The following GALR2 variants were observed in gnomAD, a reference collection of about 807,000 sequenced individuals.
GALR2 encodes galanin receptor type 2.
GALR2 carries 5 observed loss-of-function variants against 7.2 expected under a neutral mutation model. That is an observed-to-expected ratio of 0.69 (90% confidence interval 0.36 to 1.45). The LOEUF (loss-of-function observed/expected upper bound fraction) is 1.45, where lower values mean the gene tolerates loss of function less well. Among genes scored for constraint, GALR2 ranks in the 40% most tolerant of loss-of-function variants. The probability of loss-of-function intolerance (pLI) is 0.03; values close to 1 mark genes in which losing one functional copy is unlikely to be tolerated. For missense variants in GALR2, 561 were observed against 555.7 expected (o/e 1.01, Z -0.10); for synonymous variants, 300 against 263.9 (o/e 1.14, Z -1.32).
chr17:76,074,262 G>A (rs1333545501), upstream of GALR2, among the ~76,000 whole-genome samples: 1 of 152,240 alleles, frequency 6.6e-6, no homozygotes, highest in Non-Finnish European at 1.5e-5. This position sits in a 1 kb window ranked among gnomAD's most constrained non-coding sequence, Gnocchi z 6.7. Context: ...GTTGCAGTGA[G>A]CCGAGATCGC....
upstream of GALR2, among the ~76,000 whole-genome samples, chr17:76,074,415 C>A (rs112292731): frequency 6.6e-6 from 1 of 152,220 alleles, no homozygotes; most frequent in Non-Finnish European, 1.5e-5. The surrounding 1 kb of genome is among the most constrained non-coding windows in gnomAD (Gnocchi z 6.7). Context: ...TATCCTGCAC[C>A]CCTGCCAGGC....
chr17:76,072,653 G>A (rs2066866444), upstream of GALR2: 1 of 1,358,670 alleles, frequency 7.4e-7, no homozygotes, highest in Non-Finnish European at 9.6e-7. The surrounding 1 kb of genome is among the most constrained non-coding windows in gnomAD (Gnocchi z 4.5). Context: ...GCCTGCGCGA[G>A]GGATCCTGTC....
At chr17:76,072,276 A>G (rs2066859091), upstream of GALR2, 1 of 1,604,630 alleles carries the variant, frequency 6.2e-7, no homozygotes, top group East Asian at 2.3e-5. The surrounding 1 kb of genome is among the most constrained non-coding windows in gnomAD (Gnocchi z 4.5). Flanking sequence ...ACACGTAATC[A>G]TTGCGAGTTA....
chr17:76,073,457 C>T (rs1255331817), upstream of GALR2, among the ~76,000 whole-genome samples: 1 of 90,554 alleles, frequency 1.1e-5, no homozygotes, highest in Non-Finnish European at 2.3e-5. Context: ...CACCACGTCC[C>T]GCTAATTTTT....
upstream of GALR2, among the ~76,000 whole-genome samples, chr17:76,072,985 G>C (rs1180980656): frequency 2.0e-5 from 3 of 152,242 alleles, no homozygotes; most frequent in Non-Finnish European, 2.9e-5. This position sits in a 1 kb window ranked among gnomAD's most constrained non-coding sequence, Gnocchi z 4.5. Flanking sequence ...CCGTAAGAAC[G>C]CCAAGCCGGA....
In GALR2 at chr17:76,076,847, T is replaced by A. The variant is rs762670725; in HGVS notation, c.580T>A (p.Phe194Ile). Residue 194 changes from phenylalanine (F) to isoleucine (I), a missense_variant, in exon 2 of 2, where the codon TTC becomes ATC. Physicochemically the swap from Phe to Ile is conservative, Grantham distance 21. Coordinates refer to ENST00000329003, the MANE Select transcript of GALR2 (RefSeq NM_003857.4). This position sits in a 1 kb window ranked among gnomAD's most constrained non-coding sequence, Gnocchi z 6.5. ...CGCCATGGACATCTGCACCTTCGTC[T>A]TCAGCTACCTGCTTCCTGTGCTGGT... ...RRAMDICTFV[F>I]SYLLPVLVLG... is the part of the protein sequence containing the mutation. The A allele has an allele frequency of 6.2e-7, 1 of 1,604,858 alleles. No individual in the cohort carries two copies.
rs142971884 is a variant in GALR2 at position 76,076,889 on chromosome 17, G to A, written c.622G>A (p.Ala208Thr). The change falls in exon 2 of 2, where the codon GCG becomes ACG. Residue 208 changes from alanine (A) to threonine (T), a missense_variant. Physicochemically the swap from Ala to Thr is moderately conservative, Grantham distance 58. Transcript: ENST00000329003. This position sits in a 1 kb window ranked among gnomAD's most constrained non-coding sequence, Gnocchi z 6.5. Reference sequence around the variant, plus strand: ...TGTGCTGGTTCTCGGCCTGACCTACGCGCGCACCTTGCGCTACCTCTGGCG... The same window carrying A: ...TGTGCTGGTTCTCGGCCTGACCTACACGCGCACCTTGCGCTACCTCTGGCG... ...LPVLVLGLTY[A>T]RTLRYLWRAV... 4.6e-5 allele frequency: 73 copies of A among 1,603,210 alleles called. No homozygotes were observed. In the African/African-American group the frequency reaches 9.1e-4, roughly 20 times the overall value.
chr17:76,072,985 G>A (rs1180980656), upstream of GALR2, among the ~76,000 whole-genome samples: 1 of 152,242 alleles, frequency 6.6e-6, no homozygotes, highest in South Asian at 2.1e-4. This position sits in a 1 kb window ranked among gnomAD's most constrained non-coding sequence, Gnocchi z 4.5. Flanking sequence ...CCGTAAGAAC[G>A]CCAAGCCGGA....
upstream of GALR2, among the ~76,000 whole-genome samples, chr17:76,073,879 C>T (rs540706581): frequency 2.4e-3 from 364 of 151,942 alleles, 1 homozygote; most frequent in African/African-American, 8.3e-3. Flanking sequence ...GGCTCGGTGG[C>T]TTACGCCTGT....
upstream of GALR2, among the ~76,000 whole-genome samples, chr17:76,073,873 C>T (rs2066873952): frequency 6.6e-6 from 1 of 151,718 alleles, no homozygotes; most frequent in African/African-American, 2.4e-5. Flanking sequence ...TGGCCGGGCT[C>T]GGTGGCTTAC....
Position 76,077,293 on chromosome 17 carries a change from G to T in GALR2, c.1026G>T (p.Leu342=). The T allele has an allele frequency of 6.3e-7, 1 of 1,596,730 alleles. No homozygotes were observed. Among genetic ancestry groups the T allele is most frequent in the Non-Finnish European group, 8.5e-7 (1 of 1,176,584 alleles). Residue 342 remains leucine, a synonymous_variant, in exon 2 of 2, where the codon CTG becomes CTT. Transcript: ENST00000329003. ...GSVLERESSD[L]LHMSEAAGAL... ...TGTTGGAGCGCGAGTCCAGCGACCTGTTGCACATGAGCGAGGCGGCGGGGG... is the reference window on the plus strand; with the variant it reads ...TGTTGGAGCGCGAGTCCAGCGACCTTTTGCACATGAGCGAGGCGGCGGGGG...
upstream of GALR2, chr17:76,072,365 G>C (rs373040048): frequency 6.8e-6 from 11 of 1,612,452 alleles, no homozygotes; most frequent in Non-Finnish European, 9.3e-6. The surrounding 1 kb of genome is among the most constrained non-coding windows in gnomAD (Gnocchi z 4.5). Context: ...GCCGAAGGGC[G>C]TTCGTTTTCT....
Position 76,077,530 on chromosome 17 carries a change from C to T in GALR2, c.*99C>T. 1 of 1,072,386 alleles carries T rather than the reference C, an allele frequency of 9.3e-7. No homozygotes were observed. Among genetic ancestry groups the T allele is most frequent in the South Asian group, 1.7e-5 (1 of 59,430 alleles). The allele number at this position is 1,072,386 out of a possible 1,614,324, so 66.4% of individuals were successfully genotyped here. ...TGTTAATAAAACGCACAAACCATTT[C>T]ACACACAGTGACAGCGCTGTTTCGC... On this transcript the variant is annotated 3_prime_UTR_variant, in exon 2 of 2. Transcript: ENST00000329003.
In GALR2 at chr17:76,074,833, G is replaced by A; in HGVS notation, c.-51G>A. ...GCAGCCCCGGGAGCTTCCCGCTCGC[G>A]GAGACCCAGACGGCTGCAGGAGCCC... On this transcript the variant is annotated 5_prime_UTR_variant, in exon 1 of 2. Transcript: ENST00000329003. The surrounding 1 kb of genome is among the most constrained non-coding windows in gnomAD (Gnocchi z 6.7). 1.4e-6 allele frequency: 2 copies of A among 1,440,208 alleles called. No homozygotes were observed. Among genetic ancestry groups the A allele is most frequent in the South Asian group, 1.5e-5 (1 of 68,222 alleles). The allele number at this position is 1,440,208 out of a possible 1,614,324, so 89.2% of individuals were successfully genotyped here. A position where few individuals can be genotyped will look rare whatever the true frequency, so the allele number is the denominator to read the frequency against.
chr17:76,074,870 G>A lies in GALR2; in HGVS notation c.-14G>A. The A allele has an allele frequency of 2.7e-6, 4 of 1,496,000 alleles. No individual in the cohort carries two copies. Among genetic ancestry groups the A allele is most frequent in the Non-Finnish European group, 3.5e-6 (4 of 1,126,944 alleles). 92.7% of individuals were successfully genotyped at this position (1,496,000 alleles called of 1,614,324 possible). On this transcript the variant is annotated 5_prime_UTR_variant, in exon 1 of 2. Coordinates refer to ENST00000329003, the MANE Select transcript of GALR2 (RefSeq NM_003857.4). The surrounding 1 kb of genome is among the most constrained non-coding windows in gnomAD (Gnocchi z 6.7). ...GGCTGCAGGAGCCCGGGCAGCCTCG[G>A]GGTCAGCGGCACCATGAACGTCTCG...
Position 76,076,071 on chromosome 17 carries a change from C to T in GALR2, c.369-565C>T, listed in dbSNP as rs1021920234. On this transcript the variant is annotated intron_variant, in intron 1 of 1. Coordinates refer to ENST00000329003, the MANE Select transcript of GALR2 (RefSeq NM_003857.4). The surrounding 1 kb of genome is among the most constrained non-coding windows in gnomAD (Gnocchi z 6.5). The stretch of plus-strand genomic sequence containing the variant: ...CTCTGGAAAAACAGAGAGGCGAGGC[C>T]AGACTGCCCCCACACCTCCTGTAGC... Among the ~76,000 whole-genome samples the T allele has an allele frequency of 6.6e-6, 1 of 152,248 alleles. No individual in the cohort carries two copies. The highest frequency in any genetic ancestry group is 2.4e-5 in the African/African-American group (1 of 41,466).
Position 76,075,527 on chromosome 17 carries a change from T to G in GALR2, c.368+276T>G, listed in dbSNP as rs895612616. ...GCGCAGCGTTTCCCAGTACGACGCG[T>G]TTGTGCGCGTTCATCTCGCTTGAGC... is the stretch of plus-strand genomic sequence containing the variant. On this transcript the variant is annotated intron_variant, in intron 1 of 1. Coordinates refer to ENST00000329003, the MANE Select transcript of GALR2 (RefSeq NM_003857.4). The surrounding 1 kb of genome is among the most constrained non-coding windows in gnomAD (Gnocchi z 5.9). Among the ~76,000 whole-genome samples, 9 of 152,202 alleles carry G rather than the reference T, an allele frequency of 5.9e-5. No individual in the cohort carries two copies. Among genetic ancestry groups the G allele is most frequent in the Admixed American group, 5.9e-4 (9 of 15,282 alleles).
upstream of GALR2, chr17:76,072,416 C>A (rs780927130): frequency 7.5e-5 from 119 of 1,584,944 alleles, no homozygotes; most frequent in Non-Finnish European, 9.0e-5. This position sits in a 1 kb window ranked among gnomAD's most constrained non-coding sequence, Gnocchi z 4.5. Flanking sequence ...CCGCCGCTAC[C>A]GCCGCCGCCA....
In GALR2 at chr17:76,077,296, G is replaced by A; in HGVS notation, c.1029G>A (p.Leu343=). ...SVLERESSDL[L]HMSEAAGALR... is the part of the protein sequence containing the mutation. Reference sequence around the variant, plus strand: ...TGGAGCGCGAGTCCAGCGACCTGTTGCACATGAGCGAGGCGGCGGGGGCCC... The same window carrying A: ...TGGAGCGCGAGTCCAGCGACCTGTTACACATGAGCGAGGCGGCGGGGGCCC... Residue 343 remains leucine, a synonymous_variant, in exon 2 of 2, where the codon TTG becomes TTA. Transcript: ENST00000329003. The A allele has an allele frequency of 6.3e-7, 1 of 1,594,670 alleles. No homozygotes were observed. Among genetic ancestry groups the A allele is most frequent in the Non-Finnish European group, 8.5e-7 (1 of 1,176,002 alleles).
Sources: allele counts gnomAD v4.1 joint callset (sites outside exome capture counted in the v4.1 genomes callset), GRCh38; gene constraint gnomAD v4.1.1; non-coding constraint Gnocchi (gnomAD v3.1); transcripts MANE v1.5; gene names NCBI Gene and HGNC (gene_info 2026-07-23, HGNC 2026-07-21).